CPED1: variants seen among roughly 807,000 people sequenced by gnomAD.
The protein encoded by CPED1 is cadherin-like and PC-esterase domain-containing protein 1.
A neutral mutation model predicts 128.2 loss-of-function variants in CPED1; 114 were observed. The ratio of observed to expected loss-of-function variants is 0.89; its 90% CI spans 0.76 to 1.04. The LOEUF (loss-of-function observed/expected upper bound fraction) is 1.04, where lower values mean the gene tolerates loss of function less well. Ranked by LOEUF, CPED1 falls within the 50% of genes least tolerant of loss-of-function variation. The pLI is 0.00. For missense variants in CPED1, 1,211 were observed against 1,207.1 expected, an observed-to-expected ratio of 1.00 and a Z score of -0.05; for synonymous variants, 462 against 426.7, an observed-to-expected ratio of 1.08 and a Z score of -1.02.
At chr7:121,135,751 G>GTA (rs751273924) in intron 13 of CPED1, among the ~76,000 whole-genome samples, 3 of 151,982 alleles carry the variant, frequency 2.0e-5, no homozygotes, top group African/African-American at 4.8e-5. Context: ...TATAGTCATA[G>GTA]GATATAAAAG....
Position 121,170,841 on chromosome 7 carries a change from G to A in CPED1, c.2055+28700G>A, listed in dbSNP as rs1191663776. ...TGAGGTGGGTGGATCACCTGAGGTCGGGAGTTCCAGACCAGCCTGGCCAAC... is the reference window on the plus strand; with the variant it reads ...TGAGGTGGGTGGATCACCTGAGGTCAGGAGTTCCAGACCAGCCTGGCCAAC... On this transcript the variant is annotated intron_variant, in intron 16 of 22. Coordinates refer to ENST00000310396, the MANE Select transcript of CPED1 (RefSeq NM_024913.5). 3.3e-5 allele frequency among the ~76,000 whole-genome samples: 5 copies of A among 151,882 alleles called. No homozygotes were observed. The East Asian group carries it at 7.7e-4, about 23-fold the overall frequency.
At chr7:121,145,570 A>T (rs559703828) in intron 16 of CPED1, among the ~76,000 whole-genome samples, 2 of 152,220 alleles carry the variant, frequency 1.3e-5, no homozygotes, top group South Asian at 4.1e-4. Context: ...ACTGCTTTAG[A>T]TACTTTACTA....
intron 15 of CPED1, among the ~76,000 whole-genome samples, chr7:121,141,476 T>A (rs1795902737): frequency 2.6e-5 from 4 of 152,046 alleles, no homozygotes; most frequent in Admixed American, 2.6e-4. Flanking sequence ...TATTCTGTGC[T>A]GTGTCCATAG....
At chr7:121,233,340 T>C (rs1169704134) in intron 16 of CPED1, among the ~76,000 whole-genome samples, 1 of 152,082 alleles carries the variant, frequency 6.6e-6, no homozygotes, top group African/African-American at 2.4e-5. Flanking sequence ...AAATACTACA[T>C]TTTCTGTGTC....
intron 17 of CPED1, among the ~76,000 whole-genome samples, chr7:121,241,137 A>G (rs1338495237): frequency 8.8e-6 from 1 of 114,060 alleles, no homozygotes; most frequent in Non-Finnish European, 1.9e-5. Flanking sequence ...AGGTCAGGAG[A>G]TCGAGACCAT....
intron 4 of CPED1, among the ~76,000 whole-genome samples, chr7:121,052,800 G>A (rs552673956): frequency 6.6e-6 from 1 of 152,236 alleles, no homozygotes; most frequent in Middle Eastern, 3.4e-3. Context: ...TTGGTTCACT[G>A]CAACTGCGGC....
chr7:121,237,821 G>A (rs1036709179), intron 17 of CPED1, among the ~76,000 whole-genome samples: 2 of 152,232 alleles, frequency 1.3e-5, no homozygotes, highest in African/African-American at 2.4e-5. Context: ...AATTTGGCAC[G>A]CACAGTTAAC....
At chr7:121,288,577 G>A (rs1331462395) in intron 22 of CPED1, among the ~76,000 whole-genome samples, 2 of 152,164 alleles carry the variant, frequency 1.3e-5, no homozygotes, top group Non-Finnish European at 2.9e-5. Flanking sequence ...TTACACTGGA[G>A]ATCTATATTT....
intron 16 of CPED1, among the ~76,000 whole-genome samples, chr7:121,210,078 T>C (rs970599239): frequency 2.6e-5 from 4 of 152,046 alleles, no homozygotes; most frequent in Non-Finnish European, 5.9e-5. Flanking sequence ...TCATTGATCA[T>C]CAGAGAAATG....
chr7:121,073,138 A>T (rs772055357), intron 5 of CPED1, among the ~76,000 whole-genome samples: 1 of 152,200 alleles, frequency 6.6e-6, no homozygotes, highest in African/African-American at 2.4e-5. Context: ...TAAAATAAAC[A>T]GTCAATTAAC....
chr7:121,148,629 A>G (rs1796080896), intron 16 of CPED1, among the ~76,000 whole-genome samples: 1 of 152,152 alleles, frequency 6.6e-6, no homozygotes, highest in Admixed American at 6.6e-5. Flanking sequence ...AAGATGCCAG[A>G]CAGGAAGAAC....
At position 121,193,995 on chromosome 7, in the gene CPED1, GCTCTCT is replaced by G. The variant is rs373934011; in HGVS notation, c.2056-42696_2056-42691del. 7.7e-3 allele frequency among the ~76,000 whole-genome samples: 670 copies of G among 87,268 alleles called. 8 individuals are homozygous for G. Among genetic ancestry groups the G allele is most frequent in the East Asian group, 0.02 (55 of 2,700 alleles). 57.3% of individuals were successfully genotyped at this position (87,268 alleles called of 152,430 possible). A position where few individuals can be genotyped will look rare whatever the true frequency, so the allele number is the denominator to read the frequency against. On this transcript the variant is annotated intron_variant, in intron 16 of 22. Transcript: ENST00000310396. ...GGCCTCTATTAACATGGATGAGCAA[GCTCTCT>G]CTCTCTCTCTCTCTCTCTCTCTATA...
intron 16 of CPED1, among the ~76,000 whole-genome samples, chr7:121,189,713 A>G (rs1201625464): frequency 1.4e-5 from 2 of 144,582 alleles, no homozygotes; most frequent in East Asian, 4.0e-4. Flanking sequence ...TTGGAAAAGA[A>G]ATGAAAGTGT....
chr7:121,165,217 G>A (rs1796497281), intron 16 of CPED1, among the ~76,000 whole-genome samples: 1 of 152,168 alleles, frequency 6.6e-6, no homozygotes, highest in Non-Finnish European at 1.5e-5. Context: ...AGTAGGATAT[G>A]TTGGATATAA....
chr7:121,277,451 G>A (rs1792351275), intron 22 of CPED1, among the ~76,000 whole-genome samples: 1 of 152,084 alleles, frequency 6.6e-6, no homozygotes, highest in Non-Finnish European at 1.5e-5. Context: ...CATCCACAGA[G>A]CCCAGACTCA....
chr7:121,261,851 C>G, intron 18 of CPED1: 1 of 820,586 alleles, frequency 1.2e-6, no homozygotes, highest in East Asian at 2.7e-5. Flanking sequence ...TCACCTAATA[C>G]AGGGACTATG....
chr7:121,129,560 G>A (rs1279959762), intron 11 of CPED1, among the ~76,000 whole-genome samples: 1 of 151,466 alleles, frequency 6.6e-6, no homozygotes, highest in Non-Finnish European at 1.5e-5. Context: ...ACTATAAAAA[G>A]ATAATAAAAG....
chr7:121,231,029 G>A (rs1326678877), intron 16 of CPED1, among the ~76,000 whole-genome samples: 1 of 152,046 alleles, frequency 6.6e-6, no homozygotes, highest in East Asian at 1.9e-4. Flanking sequence ...CAGTTTGGGA[G>A]TCGTGATCAT....
chr7:121,065,313 T>A (rs1318946283), intron 5 of CPED1, among the ~76,000 whole-genome samples: 2 of 152,222 alleles, frequency 1.3e-5, no homozygotes, highest in Non-Finnish European at 2.9e-5. Flanking sequence ...TTGTTTTATA[T>A]GACAATTATA....
Sources: gnomAD v4.1 joint callset for allele counts (sites outside exome capture counted in the v4.1 genomes callset) on GRCh38, gnomAD v4.1.1 for gene constraint, MANE v1.5 for transcripts, NCBI Gene and HGNC (gene_info 2026-07-23, HGNC 2026-07-21) for gene names.